Variants in ADAM32 observed in about 807,000 individuals in gnomAD.
The protein encoded by ADAM32 is disintegrin and metalloproteinase domain-containing protein 32.
A neutral mutation model predicts 114.9 loss-of-function variants in ADAM32; 89 were observed. The ratio of observed to expected loss-of-function variants is 0.77; its 90% CI spans 0.65 to 0.92. The LOEUF (loss-of-function observed/expected upper bound fraction) is 0.92. Among genes scored for constraint, ADAM32 ranks in the 40% least tolerant of loss-of-function variants. The probability of loss-of-function intolerance (pLI) is 0.00; values close to 1 mark genes in which losing one functional copy is unlikely to be tolerated. For synonymous variants in ADAM32, 285 were observed against 307.5 expected (o/e 0.93, Z 0.77); for missense variants, 870 against 932.8 (o/e 0.93, Z 0.88).
intron 24 of ADAM32, among the ~76,000 whole-genome samples, chr8:39,283,842 C>T (rs1366910220): frequency 4.8e-5 from 7 of 146,426 alleles, no homozygotes; most frequent in African/African-American, 1.8e-4. Context: ...GGTGCGATCT[C>T]AGCTCACTGC....
At chr8:39,245,864 TAGTA>T (rs1810881806) in intron 16 of ADAM32, among the ~76,000 whole-genome samples, 1 of 152,202 alleles carries the variant, frequency 6.6e-6, no homozygotes, top group African/African-American at 2.4e-5. Flanking sequence ...TGAAGAAACA[TAGTA>T]ATAATAATAT....
At chr8:39,144,638 G>A (rs1393489915) in intron 3 of ADAM32, among the ~76,000 whole-genome samples, 1 of 126,392 alleles carries the variant, frequency 7.9e-6, no homozygotes, top group African/African-American at 3.1e-5. Flanking sequence ...TGCAAATTAG[G>A]CCTAGAAGAG....
intron 10 of ADAM32, among the ~76,000 whole-genome samples, chr8:39,177,280 T>C (rs1805586851): frequency 6.6e-6 from 1 of 152,140 alleles, no homozygotes; most frequent in Non-Finnish European, 1.5e-5. Flanking sequence ...AGGCTGGTCT[T>C]GAACTCTTGA....
intron 11 of ADAM32, among the ~76,000 whole-genome samples, chr8:39,205,345 C>A (rs570389108): frequency 5.9e-5 from 9 of 152,232 alleles, no homozygotes; most frequent in Non-Finnish European, 1.3e-4. Context: ...CCTCCCCCAG[C>A]CTCGCTGCCA....
At chr8:39,161,048 G>T in intron 7 of ADAM32, 83 bp downstream of exon 7, 1 of 1,242,554 alleles carries the variant, frequency 8.0e-7, no homozygotes, top group East Asian at 2.6e-5. Flanking sequence ...GAAACTAAAA[G>T]ATTCCAATGT....
rs1564651956 is a variant in ADAM32 at position 39,233,961 on chromosome 8, ATGG to A, written c.1700_1702del (p.Gly567del). 1.3e-6 allele frequency: 2 copies of A among 1,593,086 alleles called. No homozygotes were observed. The highest frequency in any genetic ancestry group is 2.3e-5 in the South Asian group (2 of 86,612). On this transcript the variant is annotated inframe_deletion, in exon 16 of 25. Coordinates refer to ENST00000379907, the MANE Select transcript of ADAM32 (RefSeq NM_145004.7). ...ACTCGAAAGCCTTTCCATCAAGAAA[ATGG>A]TGATGTGATTTATGCTTTCGTACGA...
chr8:39,219,021 G>T (rs1564623095), intron 12 of ADAM32, among the ~76,000 whole-genome samples: 1 of 152,170 alleles, frequency 6.6e-6, no homozygotes, highest in East Asian at 1.9e-4. Context: ...AAGGCAGCAG[G>T]TTCCCTTCTG....
chr8:39,206,752 A>G (rs1268045269), intron 11 of ADAM32, among the ~76,000 whole-genome samples: 1 of 152,150 alleles, frequency 6.6e-6, no homozygotes, highest in Non-Finnish European at 1.5e-5. Context: ...GTTTTGTGAC[A>G]CTGCAGCCCT....
At chr8:39,194,728 G>A (rs952485665) in intron 11 of ADAM32, among the ~76,000 whole-genome samples, 14 of 152,172 alleles carry the variant, frequency 9.2e-5, no homozygotes, top group African/African-American at 1.7e-4. Context: ...GGGTGCTCAG[G>A]TCAGACTGGC....
rs1000878903 is a variant in ADAM32 at position 39,155,865 on chromosome 8, A to C, written c.525+4317A>C. ...AATTTTGATTATTTTCTTAGTGGTT[A>C]CTCTGGATATTACAATAACATCTTA... On this transcript the variant is annotated intron_variant, in intron 6 of 24. Transcript: ENST00000379907. 7.3e-5 allele frequency among the ~76,000 whole-genome samples: 11 copies of C among 151,402 alleles called. 1 individual carries two copies. The highest frequency in any genetic ancestry group is 3.3e-4 in the Admixed American group (5 of 15,172).
At chr8:39,120,015 A>T (rs1423321300) in intron 2 of ADAM32, among the ~76,000 whole-genome samples, 1 of 152,226 alleles carries the variant, frequency 6.6e-6, no homozygotes, top group Non-Finnish European at 1.5e-5. Context: ...TCATGAAAGG[A>T]TACAACAAGA....
chr8:39,234,668 A>G (rs777699534), intron 16 of ADAM32, among the ~76,000 whole-genome samples: 12 of 152,356 alleles, frequency 7.9e-5, no homozygotes, highest in Admixed American at 3.9e-4. Context: ...CAGTTTGGCT[A>G]TTATTGCCGA....
intron 2 of ADAM32, among the ~76,000 whole-genome samples, chr8:39,125,274 G>A (rs944662846): frequency 1.3e-5 from 2 of 151,970 alleles, no homozygotes; most frequent in East Asian, 1.9e-4. Context: ...AAGATCTAAC[G>A]GAATTTGTCT....
At chr8:39,179,703 T>G (rs1451545475) in intron 10 of ADAM32, among the ~76,000 whole-genome samples, 2 of 151,996 alleles carry the variant, frequency 1.3e-5, no homozygotes, top group Non-Finnish European at 2.9e-5. Flanking sequence ...CTTCCCTGGC[T>G]CCATGCCACT....
At chr8:39,264,749 G>A (rs1812247833) in intron 19 of ADAM32, among the ~76,000 whole-genome samples, 1 of 152,028 alleles carries the variant, frequency 6.6e-6, no homozygotes, top group Non-Finnish European at 1.5e-5. Flanking sequence ...TATGTTATAT[G>A]TTTGTTTATA....
At chr8:39,231,948 G>A in intron 14 of ADAM32, 79 bp from the exon 15 acceptor site, 1 of 1,130,598 alleles carries the variant, frequency 8.8e-7, no homozygotes. Context: ...GAGAGATAAA[G>A]GGAATATTAT....
chr8:39,113,735 T>C (rs1202009315), intron 1 of ADAM32, among the ~76,000 whole-genome samples: 1 of 152,146 alleles, frequency 6.6e-6, no homozygotes, highest in African/African-American at 2.4e-5. Flanking sequence ...TATATAAGCA[T>C]GATGTCTTTC....
chr8:39,169,136 T>C (rs930912106), intron 9 of ADAM32: 1 of 152,210 alleles, frequency 6.6e-6, no homozygotes, highest in African/African-American at 2.4e-5. Context: ...AAATTGAGAA[T>C]TGAATTCCAA....
chr8:39,262,704 T>G (rs184594007), intron 19 of ADAM32, among the ~76,000 whole-genome samples: 1 of 150,462 alleles, frequency 6.6e-6, no homozygotes, highest in Admixed American at 6.6e-5. Flanking sequence ...TCTCTCCTTC[T>G]CTCTTTCTTT....
Sources: allele counts gnomAD v4.1 joint callset (sites outside exome capture counted in the v4.1 genomes callset), GRCh38; gene constraint gnomAD v4.1.1; transcripts MANE v1.5; gene names NCBI Gene and HGNC (gene_info 2026-07-23, HGNC 2026-07-21).